The following ARHGAP29 variants were observed in gnomAD, a reference collection of about 807,000 sequenced individuals.
ARHGAP29 encodes rho GTPase-activating protein 29.
A neutral mutation model predicts 122.6 loss-of-function variants in ARHGAP29; 43 were observed. The observed-to-expected ratio is 0.35, with a 90% CI of 0.27 to 0.45. The LOEUF (loss-of-function observed/expected upper bound fraction) is 0.45. Ranked by LOEUF, ARHGAP29 falls within the 20% of genes least tolerant of loss-of-function variation. The pLI is 1.00. For missense variants in ARHGAP29, 1,303 were observed against 1,477.2 expected (o/e 0.88, Z 1.93); for synonymous variants, 506 against 497.1 (o/e 1.02, Z -0.24).
At chr1:94,278,505 A>C, upstream of ARHGAP29, among the ~76,000 whole-genome samples, 1 of 152,174 alleles carries the variant, frequency 6.6e-6, no homozygotes, top group East Asian at 1.9e-4. Flanking sequence ...AGAATAACCC[A>C]GAGATACTCA....
chr1:94,249,935 A>G (rs966861717), intron 1 of ARHGAP29, among the ~76,000 whole-genome samples: 1 of 152,138 alleles, frequency 6.6e-6, no homozygotes, highest in African/African-American at 2.4e-5. Flanking sequence ...GGCCCCCACT[A>G]AGAATTTTCT....
intron 5 of ARHGAP29, among the ~76,000 whole-genome samples, chr1:94,206,964 C>CAA (rs1354950348): frequency 1.3e-5 from 2 of 148,928 alleles, no homozygotes; most frequent in East Asian, 3.9e-4. Context: ...TCAAATGAGG[C>CAA]AAATATATAT....
intron 3 of ARHGAP29, among the ~76,000 whole-genome samples, chr1:94,215,364 CA>C (rs1651900585): frequency 6.7e-6 from 1 of 149,584 alleles, no homozygotes; most frequent in Admixed American, 6.7e-5. Flanking sequence ...ACCAAACAGC[CA>C]ATTCAAAAAT....
At position 94,256,844 on chromosome 1, in the gene ARHGAP29, C is replaced by T. The variant is rs182868483; in HGVS notation, c.-33+18168G>A. Among the ~76,000 whole-genome samples the T allele has an allele frequency of 5.0e-3, 760 of 151,942 alleles. 10 individuals are homozygous for T. Among genetic ancestry groups the T allele is most frequent in the African/African-American group, 0.018 (733 of 41,476 alleles). ...AAGTGCTGGGATTACAGGCGTGAGC[C>T]ACCGCGCCTGCCCAACAGTACTAAT... is the stretch of plus-strand genomic sequence containing the variant. On this transcript the variant is annotated intron_variant and NMD_transcript_variant, in intron 1 of 25. Transcript: ENST00000552844.
intron 15 of ARHGAP29, among the ~76,000 whole-genome samples, chr1:94,187,596 AAGAC>A (rs1299247727): frequency 6.6e-6 from 1 of 152,180 alleles, no homozygotes; most frequent in African/African-American, 2.4e-5. Context: ...CCAGTATTTG[AAGAC>A]AGCTGACAGG....
intron 3 of ARHGAP29, 80 bp from the exon 4 acceptor site, chr1:94,209,430 TTCA>T: frequency 1.2e-6 from 1 of 815,032 alleles, no homozygotes; most frequent in Non-Finnish European, 1.8e-6. Flanking sequence ...CCTTTAAAAC[TTCA>T]TCATTAGTTC....
intron 12 of ARHGAP29, among the ~76,000 whole-genome samples, chr1:94,198,933 T>C (rs539902787): frequency 6.6e-6 from 1 of 152,310 alleles, no homozygotes; most frequent in South Asian, 2.1e-4. Context: ...GTGTACCTGA[T>C]TTTAAGACTT....
chr1:94,205,902 A>T (rs1011572310), intron 5 of ARHGAP29, among the ~76,000 whole-genome samples: 1 of 152,206 alleles, frequency 6.6e-6, no homozygotes, highest in African/African-American at 2.4e-5. Flanking sequence ...AGAATGAACA[A>T]CCTCACTGTT....
chr1:94,181,679 G>C (rs1649474277), intron 19 of ARHGAP29, among the ~76,000 whole-genome samples: 1 of 152,094 alleles, frequency 6.6e-6, no homozygotes, highest in Non-Finnish European at 1.5e-5. Context: ...CTTCAAAAGA[G>C]ATTCAGTTTT....
intron 1 of ARHGAP29, among the ~76,000 whole-genome samples, chr1:94,234,963 T>G (rs1274213487): frequency 6.6e-6 from 1 of 152,098 alleles, no homozygotes; most frequent in Admixed American, 6.5e-5. Flanking sequence ...ACATGTAAAA[T>G]AGTAACCCAA....
At chr1:94,267,367 G>A (rs1186592067) in intron 1 of ARHGAP29, among the ~76,000 whole-genome samples, 1 of 152,196 alleles carries the variant, frequency 6.6e-6, no homozygotes, top group Non-Finnish European at 1.5e-5. Flanking sequence ...GAATATCCTT[G>A]AGTGACCTAT....
At chr1:94,257,245 T>C (rs970602021) in intron 1 of ARHGAP29, among the ~76,000 whole-genome samples, 1 of 151,636 alleles carries the variant, frequency 6.6e-6, no homozygotes, top group Non-Finnish European at 1.5e-5. Context: ...CTACTAAAAA[T>C]GCAAAAATTA....
chr1:94,202,093 T>C (rs1202984377), intron 11 of ARHGAP29: 2 of 448,152 alleles, frequency 4.5e-6, no homozygotes, highest in East Asian at 3.9e-5. Context: ...CTATTTGAAA[T>C]AGCATTTTAT....
intron 1 of ARHGAP29, among the ~76,000 whole-genome samples, chr1:94,253,031 C>T (rs543610854): frequency 3.9e-5 from 6 of 151,978 alleles, no homozygotes; most frequent in African/African-American, 1.2e-4. Context: ...AGTGCAGTGG[C>T]GTGATCTCGG....
chr1:94,203,099 C>A lies in ARHGAP29; in HGVS notation c.873+1G>T. 6.2e-7 allele frequency: 1 copy of A among 1,608,604 alleles called. No homozygotes were observed. The highest frequency in any genetic ancestry group is 8.5e-7 in the Non-Finnish European group (1 of 1,177,740). On this transcript the variant is annotated splice_donor_variant, in intron 9 of 22. Coordinates refer to ENST00000260526, the MANE Select transcript of ARHGAP29 (RefSeq NM_004815.4). LOFTEE classifies it high-confidence loss of function. ...CATTATACATATAAATTAATCTTTA[C>A]CTGCACAAATTTGTTAGCCTGGAGA...
chr1:94,182,007 T>C (rs1237199110), intron 19 of ARHGAP29, among the ~76,000 whole-genome samples: 6 of 152,188 alleles, frequency 3.9e-5, no homozygotes, highest in Admixed American at 3.9e-4. Flanking sequence ...CCTGTTTATA[T>C]TTCTTTATGT....
intron 5 of ARHGAP29, among the ~76,000 whole-genome samples, chr1:94,207,378 C>G (rs774996603): frequency 6.6e-6 from 1 of 151,770 alleles, no homozygotes; most frequent in African/African-American, 2.4e-5. Context: ...ATCATCACAG[C>G]TTTTTTATTC....
chr1:94,290,463 A>G, the ARHGAP29 span, among the ~76,000 whole-genome samples: 3 of 152,038 alleles, frequency 2.0e-5, no homozygotes, highest in Non-Finnish European at 4.4e-5. Flanking sequence ...GTCTTCTGTT[A>G]GCTTTTGAAT....
the ARHGAP29 span, among the ~76,000 whole-genome samples, chr1:94,291,304 G>T: frequency 6.6e-6 from 1 of 152,082 alleles, no homozygotes; most frequent in Admixed American, 6.6e-5. Flanking sequence ...CATTTGCTTG[G>T]TAGATCTTCC....
Sources: allele counts gnomAD v4.1 joint callset (sites outside exome capture counted in the v4.1 genomes callset), GRCh38; gene constraint gnomAD v4.1.1; transcripts MANE v1.5; gene names NCBI Gene and HGNC (gene_info 2026-07-23, HGNC 2026-07-21).